Variants in GMCL1 observed in about 807,000 individuals in gnomAD.
GMCL1 encodes germ cell-less 1, spermatogenesis associated, also known as germ cell-less protein-like 1.
GMCL1 carries 54 observed loss-of-function variants against 75.5 expected under a neutral mutation model. The ratio of observed to expected loss-of-function variants is 0.71; its 90% CI spans 0.57 to 0.90. GMCL1 has a LOEUF of 0.90. Ranked by LOEUF, GMCL1 falls within the 40% of genes least tolerant of loss-of-function variation. The pLI, the probability that GMCL1 is intolerant of heterozygous loss-of-function variation, is 0.00. For missense variants in GMCL1, 537 were observed against 622.7 expected, an observed-to-expected ratio of 0.86 and a Z score of 1.47; for synonymous variants, 210 against 209.6, an observed-to-expected ratio of 1.00 and a Z score of -0.02.
Position 69,879,757 on chromosome 2 carries a change from T to G in GMCL1, c.*753T>G, listed in dbSNP as rs550700133. 2 of 152,360 alleles carry G rather than the reference T, an allele frequency of 1.3e-5. No homozygotes were observed. The highest frequency in any genetic ancestry group is 3.9e-4 in the East Asian group (2 of 5,190). The allele number at this position is 152,360 out of a possible 1,614,324, so 9.4% of individuals were successfully genotyped here. On this transcript the variant is annotated 3_prime_UTR_variant, in exon 14 of 14. Coordinates refer to ENST00000282570, the MANE Select transcript of GMCL1 (RefSeq NM_178439.5). Reference sequence around the variant, plus strand: ...ATCAGTTTGATTCCAAGGATATTTCTTGCCTTACATGGTCTTTTCTTTGAC... The same window carrying G: ...ATCAGTTTGATTCCAAGGATATTTCGTGCCTTACATGGTCTTTTCTTTGAC...
At chr2:69,878,364 T>C (rs1573379663) in intron 13 of GMCL1, among the ~76,000 whole-genome samples, 1 of 152,086 alleles carries the variant, frequency 6.6e-6, no homozygotes, top group African/African-American at 2.4e-5. Context: ...CCAGGCACAG[T>C]GGCACCTGCC....
At position 69,854,963 on chromosome 2, in the gene GMCL1, AAG is replaced by A. The variant is rs746744464; in HGVS notation, c.1072+7_1072+8del. ...ACAAGATGCTGTAGTACCTTCAGGT[AAG>A]AGAACATAATTTGTAATTTTAAGTA... On this transcript the variant is annotated splice_donor_5th_base_variant and intron_variant, in intron 9 of 13. Coordinates refer to ENST00000282570, the MANE Select transcript of GMCL1 (RefSeq NM_178439.5). 3 of 1,583,454 alleles carry A rather than the reference AAG, an allele frequency of 1.9e-6. No individual in the cohort carries two copies. The highest frequency in any genetic ancestry group is 2.3e-5 in the South Asian group (2 of 86,170).
intron 10 of GMCL1, among the ~76,000 whole-genome samples, chr2:69,864,314 G>C (rs1258704840): frequency 1.3e-5 from 2 of 151,690 alleles, no homozygotes; most frequent in Non-Finnish European, 2.9e-5. Context: ...TTATCATTTG[G>C]AATAATGATG....
At chr2:69,849,881 T>C in intron 8 of GMCL1, 139 bp downstream of exon 8, 1 of 486,832 alleles carries the variant, frequency 2.1e-6, no homozygotes, top group Non-Finnish European at 3.6e-6. Context: ...TTTTAGAGCT[T>C]GGAGAAGACC....
intron 8 of GMCL1, among the ~76,000 whole-genome samples, chr2:69,850,785 A>G (rs1317312488): frequency 6.6e-6 from 1 of 152,214 alleles, no homozygotes; most frequent in African/African-American, 2.4e-5. Context: ...ATTGATTGCA[A>G]GCTACCAACA....
At chr2:69,834,875 T>C (rs1024258153) in intron 1 of GMCL1, among the ~76,000 whole-genome samples, 2 of 152,210 alleles carry the variant, frequency 1.3e-5, no homozygotes, top group African/African-American at 4.8e-5. Context: ...TATGCCTGTC[T>C]CTTCTTTTTT....
Position 69,829,779 on chromosome 2 carries a change from G to T in GMCL1, c.-114G>T. 40 of 1,175,590 alleles carry T rather than the reference G, an allele frequency of 3.4e-5. No individual in the cohort carries two copies. Among genetic ancestry groups the T allele is most frequent in the Non-Finnish European group, 4.4e-5 (38 of 863,270 alleles). 72.8% of individuals were successfully genotyped at this position (1,175,590 alleles called of 1,614,324 possible). On this transcript the variant is annotated 5_prime_UTR_variant, in exon 1 of 14. Transcript: ENST00000282570. Reference sequence around the variant, plus strand: ...TCCGCTGCAACGGTTGGGGCTGCGCGTGAGAAGGTGGCGGTGTAGGCACCT... The same window carrying T: ...TCCGCTGCAACGGTTGGGGCTGCGCTTGAGAAGGTGGCGGTGTAGGCACCT...
chr2:69,872,674 A>G (rs961376269), intron 13 of GMCL1, among the ~76,000 whole-genome samples: 7 of 152,174 alleles, frequency 4.6e-5, no homozygotes, highest in African/African-American at 1.4e-4. Context: ...TTGAAACTCT[A>G]ACTGACCCCC....
rs1674618181 is a variant in GMCL1 at position 69,829,887 on chromosome 2, TG to T, written c.-5del. The T allele has an allele frequency of 6.3e-7, 1 of 1,587,658 alleles. No individual in the cohort carries two copies. Among genetic ancestry groups the T allele is most frequent in the Admixed American group, 1.8e-5 (1 of 57,112 alleles). On this transcript the variant is annotated 5_prime_UTR_variant, in exon 1 of 14. Coordinates refer to ENST00000282570, the MANE Select transcript of GMCL1 (RefSeq NM_178439.5). ...GGCTCCCTGAAGTCTCGGGGAGCCG[TG>T]ACCCATGGGATCGTTGAGCAGCCGG...
chr2:69,874,545 G>A lies in GMCL1; in HGVS notation c.1452+2713G>A, dbSNP rs780335522. 3.3e-5 allele frequency among the ~76,000 whole-genome samples: 5 copies of A among 150,456 alleles called. No individual in the cohort carries two copies. In the East Asian group the frequency reaches 9.8e-4, roughly 30 times the overall value. ...ATTACAGGTGTGAGCCACCGCGCCT[G>A]GCCCTTAATTTTCAATTTTCATTTC... is the stretch of plus-strand genomic sequence containing the variant. On this transcript the variant is annotated intron_variant, in intron 13 of 13. Coordinates refer to ENST00000282570, the MANE Select transcript of GMCL1 (RefSeq NM_178439.5).
chr2:69,874,943 C>T (rs1352996345), intron 13 of GMCL1, among the ~76,000 whole-genome samples: 1 of 151,874 alleles, frequency 6.6e-6, no homozygotes, highest in African/African-American at 2.4e-5. Flanking sequence ...CGAGGTTTTG[C>T]CACGTTGCCT....
At chr2:69,834,776 C>T (rs1674773974) in intron 1 of GMCL1, among the ~76,000 whole-genome samples, 1 of 151,874 alleles carries the variant, frequency 6.6e-6, no homozygotes, top group Admixed American at 6.6e-5. Context: ...AATTTTTTTC[C>T]ATTAATTTCT....
chr2:69,854,453 T>C (rs1369482224), intron 8 of GMCL1, among the ~76,000 whole-genome samples: 1 of 152,188 alleles, frequency 6.6e-6, no homozygotes, highest in Non-Finnish European at 1.5e-5. Context: ...AGTGAGGCTT[T>C]TGGGCTCCAG....
chr2:69,849,530 T>G (rs1474987813), intron 7 of GMCL1, 122 bp from the exon 8 acceptor site: 1 of 585,500 alleles, frequency 1.7e-6, no homozygotes, highest in African/African-American at 1.9e-5. Context: ...TTGCAATTGC[T>G]GGTAAAGTAG....
In GMCL1 at chr2:69,861,196, C is replaced by T. The variant is rs949102807; in HGVS notation, c.1073-82C>T. The T allele has an allele frequency of 2.1e-5, 21 of 1,015,590 alleles. No homozygotes were observed. In the East Asian group the frequency reaches 5.5e-4, roughly 27 times the overall value. The allele number at this position is 1,015,590 out of a possible 1,614,324, so 62.9% of individuals were successfully genotyped here. A position where few individuals can be genotyped will look rare whatever the true frequency, so the allele number is the denominator to read the frequency against. ...TTAAACTTGTATTTAGAAATGGTAA[C>T]AATTTTGTCAACTATGAATGTTTAA... On this transcript the variant is annotated intron_variant, in intron 9 of 13. Transcript: ENST00000282570.
At chr2:69,846,262 T>G (rs573709001) in intron 6 of GMCL1, among the ~76,000 whole-genome samples, 1 of 152,330 alleles carries the variant, frequency 6.6e-6, no homozygotes, top group South Asian at 2.1e-4. Context: ...CAGTCAACCC[T>G]GCTTATCCAT....
chr2:69,877,680 C>T (rs1676160963), intron 13 of GMCL1, among the ~76,000 whole-genome samples: 1 of 145,872 alleles, frequency 6.9e-6, no homozygotes, highest in South Asian at 2.3e-4. Context: ...ACCACTTTCC[C>T]TCGTACAGAG....
chr2:69,869,209 A>G (rs1675911845), intron 11 of GMCL1, among the ~76,000 whole-genome samples: 2 of 148,236 alleles, frequency 1.3e-5, no homozygotes, highest in East Asian at 4.0e-4. Context: ...AGATCATGCC[A>G]TTGCACTCCA....
chr2:69,843,662 C>T (rs946858842), intron 5 of GMCL1, among the ~76,000 whole-genome samples: 2 of 152,154 alleles, frequency 1.3e-5, no homozygotes, highest in Admixed American at 6.5e-5. Context: ...TGGTGGCATG[C>T]ACCTGTGGTC....
Sources: allele counts gnomAD v4.1 joint callset (sites outside exome capture counted in the v4.1 genomes callset), GRCh38; gene constraint gnomAD v4.1.1; transcripts MANE v1.5; gene names NCBI Gene and HGNC (gene_info 2026-07-23, HGNC 2026-07-21).